Variants in ZC3H7A observed in about 807,000 individuals in gnomAD.
ZC3H7A encodes zinc finger CCCH-type containing 7A.
In ZC3H7A, 44 loss-of-function variants were observed where a neutral mutation model predicts 125.5. The observed-to-expected ratio is 0.35, with a 90% CI of 0.28 to 0.45. The LOEUF is 0.45. Ranked by LOEUF, ZC3H7A falls within the 20% of genes least tolerant of loss-of-function variation. The pLI is 1.00. For missense variants in ZC3H7A, 977 were observed against 1,170.7 expected, an observed-to-expected ratio of 0.83 and a Z score of 2.41; for synonymous variants, 399 against 391.2, an observed-to-expected ratio of 1.02 and a Z score of -0.23.
chr16:11,756,141 GAC>G (rs1470899757), intron 21 of ZC3H7A, 94 bp downstream of exon 21: 25 of 1,507,096 alleles, frequency 1.7e-5, no homozygotes, highest in Admixed American at 6.5e-5. Flanking sequence ...CCAGCCTGGT[GAC>G]ACAACGAGAC....
At chr16:11,794,511 A>G (rs2053402270) in intron 1 of ZC3H7A, among the ~76,000 whole-genome samples, 1 of 152,222 alleles carries the variant, frequency 6.6e-6, no homozygotes, top group African/African-American at 2.4e-5. Context: ...AGTAATTTTC[A>G]TAAGGATTCT....
Position 11,750,994 on chromosome 16 carries a change from C to T in ZC3H7A, c.*323G>A, listed in dbSNP as rs756507140. On this transcript the variant is annotated 3_prime_UTR_variant, in exon 23 of 23. Coordinates refer to ENST00000355758, the MANE Select transcript of ZC3H7A (RefSeq NM_014153.4). ...ACAAGTGTTTATTCTCTTACCGTCA[C>T]GATTCTTATATGAAGGACCAACTCA... 4.2e-5 allele frequency: 8 copies of T among 189,690 alleles called. No homozygotes were observed. Among genetic ancestry groups the T allele is most frequent in the Non-Finnish European group, 7.5e-5 (7 of 93,068 alleles). The allele number at this position is 189,690 out of a possible 1,614,324, so 11.8% of individuals were successfully genotyped here. A position where few individuals can be genotyped will look rare whatever the true frequency, so the allele number is the denominator to read the frequency against.
intron 19 of ZC3H7A, among the ~76,000 whole-genome samples, chr16:11,760,122 G>GAAAAAAA (rs66812605): frequency 0.053 from 4,385 of 82,044 alleles, 10 homozygotes; most frequent in East Asian, 0.079. Flanking sequence ...AAGAAAAAAT[G>GAAAAAAA]AAAAAAAAAA....
At position 11,774,322 on chromosome 16, in the gene ZC3H7A, C is replaced by A; in HGVS notation, c.817G>T (p.Ala273Ser). 1 of 1,614,004 alleles carries A rather than the reference C, an allele frequency of 6.2e-7. No homozygotes were observed. Among genetic ancestry groups the A allele is most frequent in the Middle Eastern group, 1.6e-4 (1 of 6,062 alleles). ...ACCATATCTCCATCATCTAGAAAAG[C>A]TTCTGGCATAGTGAAGGGCATCTTT... ...GGKMPFTMPE[A>S]FLDDGDMVLG... Residue 273 changes from alanine (A) to serine (S), a missense_variant, in exon 9 of 23, where the codon GCT becomes TCT. Coordinates refer to ENST00000355758, the MANE Select transcript of ZC3H7A (RefSeq NM_014153.4).
chr16:11,769,480 G>A (rs1326113894), intron 10 of ZC3H7A, among the ~76,000 whole-genome samples: 5 of 151,760 alleles, frequency 3.3e-5, no homozygotes, highest in African/African-American at 1.2e-4. Flanking sequence ...GGCCAAAGTG[G>A]GTAGATCACT....
chr16:11,792,962 G>C (rs1330758093), intron 1 of ZC3H7A, among the ~76,000 whole-genome samples: 1 of 152,184 alleles, frequency 6.6e-6, no homozygotes, highest in Non-Finnish European at 1.5e-5. Context: ...TACACAAAAA[G>C]ATATGCTCAA....
At chr16:11,793,270 T>C (rs1368459178) in intron 1 of ZC3H7A, among the ~76,000 whole-genome samples, 3 of 152,144 alleles carry the variant, frequency 2.0e-5, no homozygotes, top group Non-Finnish European at 4.4e-5. Flanking sequence ...CAGTGGCTCA[T>C]GCCTGTAATC....
At chr16:11,786,723 A>C (rs1416019954) in intron 1 of ZC3H7A, among the ~76,000 whole-genome samples, 4 of 152,202 alleles carry the variant, frequency 2.6e-5, no homozygotes, top group Non-Finnish European at 5.9e-5. Context: ...GTAGTTTTTT[A>C]AGTTTCCCCA....
intron 2 of ZC3H7A, among the ~76,000 whole-genome samples, chr16:11,781,915 G>A (rs2053180000): frequency 6.6e-6 from 1 of 152,062 alleles, no homozygotes; most frequent in Non-Finnish European, 1.5e-5. Context: ...CATGCTTCAA[G>A]AAGTCCAATT....
chr16:11,759,959 A>C (rs2052715885), intron 19 of ZC3H7A: 1 of 152,056 alleles, frequency 6.6e-6, no homozygotes. Flanking sequence ...CTAAAAAAAA[A>C]ATTACAAAAA....
intron 1 of ZC3H7A, among the ~76,000 whole-genome samples, chr16:11,796,682 G>A (rs1466261083): frequency 1.3e-5 from 2 of 152,032 alleles, no homozygotes; most frequent in East Asian, 3.9e-4. Context: ...CAGAAAGGGG[G>A]GTAAAAAAGA....
At chr16:11,778,903 G>A (rs900916859) in intron 4 of ZC3H7A, among the ~76,000 whole-genome samples, 1 of 151,742 alleles carries the variant, frequency 6.6e-6, no homozygotes, top group African/African-American at 2.4e-5. Flanking sequence ...TAGTAGAGAC[G>A]GGGTTTCACC....
At chr16:11,770,654 T>C in intron 10 of ZC3H7A, 129 bp downstream of exon 10, 7 of 953,758 alleles carry the variant, frequency 7.3e-6, no homozygotes, top group Non-Finnish European at 1.1e-5. Context: ...GCTTAGTCTT[T>C]ATATTTTTAG....
At chr16:11,771,644 G>C (rs867616973) in intron 9 of ZC3H7A, among the ~76,000 whole-genome samples, 4 of 151,622 alleles carry the variant, frequency 2.6e-5, no homozygotes, top group Non-Finnish European at 5.9e-5. Flanking sequence ...GGGATTACAG[G>C]CATGCGCCAC....
In ZC3H7A at chr16:11,769,065, G is replaced by A. The variant is rs1487681198; in HGVS notation, c.1139C>T (p.Thr380Ile). 6.2e-7 allele frequency: 1 copy of A among 1,610,122 alleles called. No homozygotes were observed. Among genetic ancestry groups the A allele is most frequent in the African/African-American group, 1.3e-5 (1 of 74,692 alleles). ...DLSTSTSREG[T>I]PLNNSNSSLL... ...GGAAGAATTACTGTTGTTAAGCGGT[G>A]TTCCCTCTCTAGAAGTTGAGGTGGA... Residue 380 changes from threonine to isoleucine, a missense_variant, in exon 11 of 23, where the codon ACA becomes ATA. Transcript: ENST00000355758.
At chr16:11,787,361 C>T (rs2053272438) in intron 1 of ZC3H7A, among the ~76,000 whole-genome samples, 1 of 152,178 alleles carries the variant, frequency 6.6e-6, no homozygotes, top group African/African-American at 2.4e-5. Context: ...CTTCATGCCC[C>T]TTCCCCAAAC....
intron 21 of ZC3H7A, among the ~76,000 whole-genome samples, chr16:11,754,460 G>C: frequency 6.6e-6 from 1 of 151,734 alleles, no homozygotes; most frequent in Non-Finnish European, 1.5e-5. Context: ...CCACACACAA[G>C]GCCTGCAATG....
chr16:11,786,763 CACAGT>C (rs1159541326), intron 1 of ZC3H7A, among the ~76,000 whole-genome samples: 1 of 152,082 alleles, frequency 6.6e-6, no homozygotes, highest in Non-Finnish European at 1.5e-5. Flanking sequence ...TTCTCAAACA[CACAGT>C]AAAGTTAAAA....
At chr16:11,751,642 G>T in intron 22 of ZC3H7A, 136 bp from the exon 23 acceptor site, 2 of 839,992 alleles carry the variant, frequency 2.4e-6, no homozygotes, top group Non-Finnish European at 3.5e-6. Flanking sequence ...GCCTAGAATG[G>T]TAAATATTTT....
Sources: gnomAD v4.1 joint callset for allele counts (sites outside exome capture counted in the v4.1 genomes callset) on GRCh38, gnomAD v4.1.1 for gene constraint, MANE v1.5 for transcripts, NCBI Gene and HGNC (gene_info 2026-07-23, HGNC 2026-07-21) for gene names.